GALK2: variants seen among roughly 807,000 people sequenced by gnomAD.
GALK2 encodes galactokinase 2, also known as N-acetylgalactosamine kinase.
In GALK2, 36 loss-of-function variants were observed where a neutral mutation model predicts 52.4. The observed-to-expected ratio is 0.69, with a 90% confidence interval of 0.53 to 0.91. The LOEUF (loss-of-function observed/expected upper bound fraction) is 0.91, where lower values mean the gene tolerates loss of function less well. Ranked by LOEUF, GALK2 falls within the 40% of genes least tolerant of loss-of-function variation. The pLI, the probability that GALK2 is intolerant of heterozygous loss-of-function variation, is 0.00. For missense variants in GALK2, 579 were observed against 559.1 expected (o/e 1.04, Z -0.36); for synonymous variants, 176 against 199.1 (o/e 0.88, Z 0.98).
intron 8 of GALK2, chr15:49,319,117 G>A (rs1466925776): frequency 2.7e-6 from 1 of 366,168 alleles, no homozygotes; most frequent in Non-Finnish European, 5.3e-6. Flanking sequence ...TCATGCCCAG[G>A]TAATTTTTGT....
chr15:49,337,037 G>C (rs1363219549), intron 3 of GALK2, among the ~76,000 whole-genome samples: 1 of 152,180 alleles, frequency 6.6e-6, no homozygotes, highest in Non-Finnish European at 1.5e-5. Context: ...CTTTATTTAT[G>C]ACTATGTAGA....
At chr15:49,327,811 C>T in intron 9 of GALK2, 141 bp from the exon 10 acceptor site, 2 of 689,494 alleles carry the variant, frequency 2.9e-6, no homozygotes, top group Non-Finnish European at 4.7e-6. Context: ...GTCTTAATGT[C>T]CTAAAATGTT....
At chr15:49,155,818 C>T in exon 1 of GALK2, 2 of 719,468 alleles carry the variant, frequency 2.8e-6, no homozygotes, top group African/African-American at 1.8e-5. Context: ...ACTGGGACAT[C>T]GTCCGGTGCT....
At chr15:49,246,527 A>T (rs534425152) in intron 5 of GALK2, among the ~76,000 whole-genome samples, 1 of 152,186 alleles carries the variant, frequency 6.6e-6, no homozygotes, top group Non-Finnish European at 1.5e-5. Context: ...GAGAAAACCC[A>T]TATTATCTTG....
At chr15:49,193,064 C>T in intron 1 of GALK2, among the ~76,000 whole-genome samples, 1 of 143,560 alleles carries the variant, frequency 7.0e-6, no homozygotes, top group Non-Finnish European at 1.5e-5. Flanking sequence ...GTGGTACAAT[C>T]TTGGCTCACT....
intron 3 of GALK2, among the ~76,000 whole-genome samples, chr15:49,360,618 C>T (rs570661182): frequency 6.6e-6 from 1 of 152,128 alleles, no homozygotes; most frequent in African/African-American, 2.4e-5. Flanking sequence ...ACATTTTATC[C>T]AAGATTCTGC....
intron 1 of GALK2, among the ~76,000 whole-genome samples, chr15:49,196,613 A>T (rs1330007771): frequency 6.6e-6 from 1 of 152,184 alleles, no homozygotes; most frequent in African/African-American, 2.4e-5. Context: ...ATATATGTAT[A>T]CATCCATAAA....
At chr15:49,200,350 A>T (rs1566930348) in intron 1 of GALK2, among the ~76,000 whole-genome samples, 1 of 152,220 alleles carries the variant, frequency 6.6e-6, no homozygotes, top group Non-Finnish European at 1.5e-5. Context: ...TCATTTGACT[A>T]CATGTTCTGA....
intron 3 of GALK2, among the ~76,000 whole-genome samples, chr15:49,228,688 T>TATATACATATA: frequency 9.6e-4 from 10 of 10,444 alleles, no homozygotes; most frequent in African/African-American, 2.7e-3. Flanking sequence ...TATATATATA[T>TATATACATATA]TTTTTTTTTT....
chr15:49,212,819 T>C (rs2089037822), intron 2 of GALK2, among the ~76,000 whole-genome samples: 1 of 152,202 alleles, frequency 6.6e-6, no homozygotes, highest in Non-Finnish European at 1.5e-5. Flanking sequence ...AAAGTTTTTC[T>C]TCATGTTTAT....
chr15:49,295,198 G>A (rs1205060272), intron 8 of GALK2, among the ~76,000 whole-genome samples: 2 of 151,928 alleles, frequency 1.3e-5, no homozygotes, highest in African/African-American at 4.8e-5. Context: ...AGGAAGAAAG[G>A]AAGGGAAGAA....
intron 3 of GALK2, among the ~76,000 whole-genome samples, chr15:49,362,638 T>G (rs1209752061): frequency 6.6e-6 from 1 of 152,232 alleles, no homozygotes; most frequent in East Asian, 1.9e-4. Flanking sequence ...AGGTTTCATC[T>G]GTCAATTTTT....
At chr15:49,257,734 A>G (rs943172710) in intron 5 of GALK2, among the ~76,000 whole-genome samples, 5 of 152,074 alleles carry the variant, frequency 3.3e-5, no homozygotes, top group African/African-American at 4.8e-5. Context: ...TCCCAAAGCC[A>G]TGGGTAGAAG....
intron 1 of GALK2, among the ~76,000 whole-genome samples, chr15:49,187,835 T>C (rs2086468593): frequency 6.6e-6 from 1 of 152,150 alleles, no homozygotes; most frequent in Non-Finnish European, 1.5e-5. Flanking sequence ...TTCAGGGTAG[T>C]GAGCTCCTCT....
At chr15:49,316,585 G>A (rs1422984001) in intron 8 of GALK2, among the ~76,000 whole-genome samples, 1 of 151,974 alleles carries the variant, frequency 6.6e-6, no homozygotes, top group South Asian at 2.1e-4. Context: ...TGCACGTTGT[G>A]CACATGTACC....
chr15:49,310,943 T>C (rs2035938646), intron 8 of GALK2, among the ~76,000 whole-genome samples: 1 of 152,186 alleles, frequency 6.6e-6, no homozygotes, highest in Admixed American at 6.5e-5. Context: ...ATTTTTGTTG[T>C]CTTACGCATA....
Position 49,172,842 on chromosome 15 carries a change from T to C in GALK2, c.53+2467T>C, listed in dbSNP as rs368736711. 2.6e-5 allele frequency among the ~76,000 whole-genome samples: 4 copies of C among 152,362 alleles called. No homozygotes were observed. In the East Asian group the frequency reaches 7.7e-4, roughly 29 times the overall value. On this transcript the variant is annotated intron_variant, in intron 1 of 9. Transcript: ENST00000560031. ...GCAGTTGTATCTCTTATCTTTACTT[T>C]CTCTTTTGGATTAAGTTTTAAAACT...
chr15:49,345,457 T>A (rs1263316164), intron 3 of GALK2, among the ~76,000 whole-genome samples: 2 of 152,276 alleles, frequency 1.3e-5, no homozygotes, highest in Non-Finnish European at 2.9e-5. Context: ...AGTGTGTTAA[T>A]GAATATCTTA....
intron 1 of GALK2, among the ~76,000 whole-genome samples, chr15:49,184,758 A>C (rs975916575): frequency 6.6e-6 from 1 of 152,202 alleles, no homozygotes; most frequent in African/African-American, 2.4e-5. Context: ...TAACACTTCA[A>C]CTTCATCTAC....
Sources: allele counts gnomAD v4.1 joint callset (sites outside exome capture counted in the v4.1 genomes callset), GRCh38; gene constraint gnomAD v4.1.1; transcripts MANE v1.5; gene names NCBI Gene and HGNC (gene_info 2026-07-23, HGNC 2026-07-21).